TTC39C: variants seen among roughly 807,000 people sequenced by gnomAD.
TTC39C encodes the protein tetratricopeptide repeat protein 39C.
TTC39C carries 33 observed loss-of-function variants against 76.3 expected under a neutral mutation model. The observed-to-expected ratio is 0.43, with a 90% CI of 0.33 to 0.58. TTC39C has a LOEUF of 0.58. Among genes scored for constraint, TTC39C ranks in the 20% least tolerant of loss-of-function variants. TTC39C has a pLI of 0.04. For synonymous variants in TTC39C, 254 were observed against 260.6 expected, an observed-to-expected ratio of 0.97 and a Z score of 0.24; for missense variants, 595 against 701.4, an observed-to-expected ratio of 0.85 and a Z score of 1.71.
chr18:24,065,451 G>C (rs1299203731), intron 2 of TTC39C, among the ~76,000 whole-genome samples: 2 of 152,174 alleles, frequency 1.3e-5, no homozygotes, highest in Non-Finnish European at 2.9e-5. Flanking sequence ...AATGTGGCTT[G>C]AAAAAGTCCA....
chr18:24,038,078 C>G (rs1006061355), intron 1 of TTC39C, among the ~76,000 whole-genome samples: 6 of 152,126 alleles, frequency 3.9e-5, no homozygotes, highest in African/African-American at 1.4e-4. Flanking sequence ...TCTTATAATT[C>G]AAAACCAAAT....
rs113202189 is a variant in TTC39C at position 24,084,796 on chromosome 18, G to T, written c.984+1715G>T. Among the ~76,000 whole-genome samples the T allele has an allele frequency of 9.0e-3, 1,370 of 152,106 alleles. 21 individuals carry two copies. The highest frequency in any genetic ancestry group is 0.031 in the African/African-American group (1,300 of 41,510). The stretch of plus-strand genomic sequence containing the variant: ...CCGACCTCAGCCTCCAAAGTAGCTG[G>T]GACTACTGCTGTGCGACACCATGCC... On this transcript the variant is annotated intron_variant, in intron 6 of 13. Coordinates refer to ENST00000317571, the MANE Select transcript of TTC39C (RefSeq NM_001135993.2).
At chr18:24,054,941 C>G (rs1212926989) in intron 1 of TTC39C, among the ~76,000 whole-genome samples, 3 of 152,194 alleles carry the variant, frequency 2.0e-5, no homozygotes, top group Non-Finnish European at 2.9e-5. Context: ...GTTGTGCTTT[C>G]TGTCTCTATG....
intron 1 of TTC39C, among the ~76,000 whole-genome samples, chr18:24,043,347 G>A (rs1393897846): frequency 1.3e-5 from 2 of 152,094 alleles, no homozygotes; most frequent in African/African-American, 4.8e-5. Flanking sequence ...TGGTGACAGA[G>A]CAAGACCCCA....
chr18:24,036,550 GTGT>G (rs1264779072), intron 1 of TTC39C, among the ~76,000 whole-genome samples: 2 of 152,152 alleles, frequency 1.3e-5, no homozygotes, highest in African/African-American at 4.8e-5. Flanking sequence ...TGATTTTTAT[GTGT>G]TGATTTCGTA....
At chr18:24,053,490 G>A (rs1418824320) in intron 1 of TTC39C, among the ~76,000 whole-genome samples, 1 of 152,182 alleles carries the variant, frequency 6.6e-6, no homozygotes, top group African/African-American at 2.4e-5. Context: ...TCCTTTCTCT[G>A]TGATTGCTGC....
rs1319524363 is a variant in TTC39C, at chr18:24,076,177, A to G, written c.461-4408A>G. On this transcript the variant is annotated intron_variant, in intron 4 of 13. Coordinates refer to ENST00000317571, the MANE Select transcript of TTC39C (RefSeq NM_001135993.2). Reference sequence around the variant, plus strand: ...TATTTTTTAGTAGAGACAGGGTTTCACCATGTTGGCCAGGCTGGTTTTGAA... The same window carrying G: ...TATTTTTTAGTAGAGACAGGGTTTCGCCATGTTGGCCAGGCTGGTTTTGAA... Among the ~76,000 whole-genome samples, 3 of 152,082 alleles carry G rather than the reference A, an allele frequency of 2.0e-5. No homozygotes were observed. In the East Asian group the frequency reaches 5.8e-4, roughly 29 times the overall value.
intron 6 of TTC39C, chr18:24,114,349 A>AG (rs1306234947): frequency 2.1e-6 from 1 of 475,824 alleles, no homozygotes; most frequent in Non-Finnish European, 3.8e-6. Context: ...CACCTGAGCA[A>AG]GGAGAGGTTC....
chr18:24,103,033 C>T (rs1415782146), intron 6 of TTC39C, among the ~76,000 whole-genome samples: 6 of 151,968 alleles, frequency 3.9e-5, no homozygotes, highest in Non-Finnish European at 7.4e-5. Context: ...GCCTAGGAGG[C>T]GGAGGTTGCA....
chr18:24,083,615 A>C (rs2145763499), intron 6 of TTC39C, among the ~76,000 whole-genome samples: 1 of 152,268 alleles, frequency 6.6e-6, no homozygotes, highest in South Asian at 2.1e-4. Context: ...CCTGTGACAT[A>C]GGTGTAAAAT....
rs532370246 is a variant in TTC39C, at chr18:24,116,068, T to G, written c.1078+1421T>G. Among the ~76,000 whole-genome samples the G allele has an allele frequency of 1.2e-4, 19 of 152,322 alleles. No homozygotes were observed. The South Asian group carries it at 1.5e-3, about 12-fold the overall frequency. The stretch of plus-strand genomic sequence containing the variant: ...GGGCTTCCGATTCAGGCTCGGAAGC[T>G]TGAGTTGGTACTTTTTCCTGAGTTA... On this transcript the variant is annotated intron_variant, in intron 7 of 13. Coordinates refer to ENST00000317571, the MANE Select transcript of TTC39C (RefSeq NM_001135993.2).
At chr18:24,120,260 G>C (rs1337616776) in intron 8 of TTC39C, among the ~76,000 whole-genome samples, 1 of 152,182 alleles carries the variant, frequency 6.6e-6, no homozygotes. Context: ...TGAGGCAGGT[G>C]AATCACTTGA....
chr18:24,114,206 G>A (rs1448820850), intron 6 of TTC39C: 3 of 264,336 alleles, frequency 1.1e-5, no homozygotes, highest in East Asian at 1.1e-4. Context: ...GTGAGAGAAC[G>A]CTGGAGGAGA....
chr18:24,084,050 A>G (rs888910619), intron 6 of TTC39C, among the ~76,000 whole-genome samples: 2 of 152,154 alleles, frequency 1.3e-5, no homozygotes, highest in African/African-American at 4.8e-5. Flanking sequence ...GTGGGGATGC[A>G]GGCAGTGGAG....
At chr18:23,997,467 G>C (rs2083271015) in intron 1 of TTC39C, among the ~76,000 whole-genome samples, 2 of 144,362 alleles carry the variant, frequency 1.4e-5, no homozygotes, top group Non-Finnish European at 3.0e-5. Flanking sequence ...AGGGAGAACT[G>C]CTTGAAGCCA....
chr18:23,993,719 T>A (rs1235296568), intron 1 of TTC39C, among the ~76,000 whole-genome samples: 1 of 152,190 alleles, frequency 6.6e-6, no homozygotes, highest in Non-Finnish European at 1.5e-5. Context: ...CAATTAGCAA[T>A]GCTATTCTAG....
At chr18:24,044,457 T>G (rs1185934875) in intron 1 of TTC39C, among the ~76,000 whole-genome samples, 1 of 152,136 alleles carries the variant, frequency 6.6e-6, no homozygotes, top group Non-Finnish European at 1.5e-5. Context: ...AGTGGCATGG[T>G]GAAGTGTCTC....
chr18:24,111,414 T>C (rs1356458235), intron 6 of TTC39C, among the ~76,000 whole-genome samples: 1 of 151,522 alleles, frequency 6.6e-6, no homozygotes, highest in Admixed American at 6.6e-5. Flanking sequence ...ACTAAAAATA[T>C]AAAAATTAGC....
chr18:24,097,894 A>C (rs1283466072), intron 6 of TTC39C, among the ~76,000 whole-genome samples: 1 of 152,190 alleles, frequency 6.6e-6, no homozygotes, highest in African/African-American at 2.4e-5. Flanking sequence ...TAGTGCCTCA[A>C]ACTAGATCCT....
Sources: gnomAD v4.1 joint callset for allele counts (sites outside exome capture counted in the v4.1 genomes callset) on GRCh38, gnomAD v4.1.1 for gene constraint, MANE v1.5 for transcripts, NCBI Gene and HGNC (gene_info 2026-07-23, HGNC 2026-07-21) for gene names.